Variants in RIOX2 observed in about 807,000 individuals in gnomAD.
The protein encoded by RIOX2 is ribosomal oxygenase 2.
A neutral mutation model predicts 51.2 loss-of-function variants in RIOX2; 43 were observed. That is an observed-to-expected ratio of 0.84 (90% CI 0.66 to 1.08). The LOEUF (loss-of-function observed/expected upper bound fraction) is 1.08. Among genes scored for constraint, RIOX2 ranks in the 50% least tolerant of loss-of-function variants. The pLI, the probability that RIOX2 is intolerant of heterozygous loss-of-function variation, is 0.00. For missense variants in RIOX2, 566 were observed against 561.7 expected (o/e 1.01, Z -0.08); for synonymous variants, 226 against 218.5 (o/e 1.03, Z -0.30).
At position 97,942,610 on chromosome 3, in the gene RIOX2, C is replaced by A; in HGVS notation, c.*2574G>T. 1.6e-6 allele frequency: 1 copy of A among 612,360 alleles called. No homozygotes were observed. Among genetic ancestry groups the A allele is most frequent in the African/African-American group, 1.9e-5 (1 of 53,448 alleles). 37.9% of individuals were successfully genotyped at this position (612,360 alleles called of 1,614,324 possible). A position where few individuals can be genotyped will look rare whatever the true frequency, so the allele number is the denominator to read the frequency against. ...GCAGTTTTACAAACAAAACAATTAG[C>A]AGAAAAAGCCAAACAACAAAGCTTA... On this transcript the variant is annotated 3_prime_UTR_variant, in exon 10 of 10. Transcript: ENST00000394198.
chr3:97,970,181 T>TA (rs1216365367), intron 1 of RIOX2, among the ~76,000 whole-genome samples: 3 of 152,192 alleles, frequency 2.0e-5, no homozygotes, highest in African/African-American at 7.2e-5. Flanking sequence ...GCAAAACACT[T>TA]AAGCCAAAAT....
intron 8 of RIOX2, 132 bp downstream of exon 8, chr3:97,947,229 A>G (rs754127761): frequency 5.6e-5 from 39 of 695,830 alleles, no homozygotes; most frequent in Non-Finnish European, 8.3e-5. Context: ...TCTGACCTGA[A>G]GAAATGGCAT....
chr3:97,943,122 T>C lies in RIOX2; in HGVS notation c.*2062A>G. 1 of 651,780 alleles carries C rather than the reference T, an allele frequency of 1.5e-6. No homozygotes were observed. The highest frequency in any genetic ancestry group is 1.9e-5 in the South Asian group (1 of 51,930). 40.4% of individuals were successfully genotyped at this position (651,780 alleles called of 1,614,324 possible). A position where few individuals can be genotyped will look rare whatever the true frequency, so the allele number is the denominator to read the frequency against. Reference sequence around the variant, plus strand: ...TTCAGACTTCTTTGTAAATGACACATTCATCCACCGAAATGGTGAGCTGAA... The same window carrying C: ...TTCAGACTTCTTTGTAAATGACACACTCATCCACCGAAATGGTGAGCTGAA... On this transcript the variant is annotated 3_prime_UTR_variant, in exon 10 of 10. Transcript: ENST00000394198.
intron 3 of RIOX2, 69 bp from the exon 4 acceptor site, chr3:97,959,248 C>A (rs938542034): frequency 4.1e-6 from 6 of 1,472,902 alleles, no homozygotes; most frequent in South Asian, 1.3e-5. Context: ...TGCTTCCGGA[C>A]TATTAGCCCT....
At chr3:97,953,306 G>A (rs1220914247) in intron 5 of RIOX2, among the ~76,000 whole-genome samples, 6 of 151,822 alleles carry the variant, frequency 4.0e-5, no homozygotes, top group East Asian at 1.9e-4. Context: ...AAACCCCTTC[G>A]ATAAAATCCT....
chr3:97,946,586 GTATATATATATA>G (rs4061087), intron 8 of RIOX2, among the ~76,000 whole-genome samples: 2 of 127,634 alleles, frequency 1.6e-5, no homozygotes, highest in African/African-American at 6.7e-5. Context: ...TTTTGAGGAT[GTATATATATATA>G]TATATATATC....
chr3:97,968,451 G>A (rs1705988437), intron 1 of RIOX2, among the ~76,000 whole-genome samples: 1 of 152,150 alleles, frequency 6.6e-6, no homozygotes, highest in Non-Finnish European at 1.5e-5. Context: ...TGTGCACACA[G>A]ATCACCTTAG....
chr3:97,965,230 G>C (rs1309279727), intron 2 of RIOX2, among the ~76,000 whole-genome samples: 1 of 69,312 alleles, frequency 1.4e-5, no homozygotes, highest in Non-Finnish European at 3.0e-5. Context: ...AAAAAAAAAA[G>C]GCCCAGCACA....
chr3:97,961,447 A>AT, intron 3 of RIOX2, 142 bp downstream of exon 3: 1 of 866,054 alleles, frequency 1.2e-6, no homozygotes, highest in Non-Finnish European at 1.6e-6. Flanking sequence ...GATGAAATCA[A>AT]TATCTCAGAA....
chr3:97,951,659 C>T (rs1037633012), intron 5 of RIOX2, among the ~76,000 whole-genome samples: 3 of 152,034 alleles, frequency 2.0e-5, no homozygotes, highest in Non-Finnish European at 4.4e-5. Context: ...TTCAAATTGC[C>T]GGCTAGTAGA....
intron 5 of RIOX2, among the ~76,000 whole-genome samples, chr3:97,952,971 G>A (rs977800601): frequency 1.3e-5 from 2 of 152,140 alleles, no homozygotes; most frequent in Non-Finnish European, 2.9e-5. Flanking sequence ...TAAATGTAGA[G>A]GTGAAATTCA....
chr3:97,948,110 G>A (rs573204444), intron 7 of RIOX2, among the ~76,000 whole-genome samples: 11 of 152,202 alleles, frequency 7.2e-5, no homozygotes, highest in African/African-American at 2.6e-4. Context: ...GAAGTAGTCT[G>A]GGCCATAAGC....
At chr3:97,959,327 TTTTA>T in intron 3 of RIOX2, 148 bp from the exon 4 acceptor site, 1 of 807,082 alleles carries the variant, frequency 1.2e-6, no homozygotes, top group African/African-American at 1.8e-5. Flanking sequence ...TTTTTTTTTT[TTTTA>T]GTTGTTATAG....
In RIOX2 at chr3:97,961,704, T is replaced by C. The variant is rs41272341; in HGVS notation, c.437A>G (p.Glu146Gly). 2 of 1,587,014 alleles carry C rather than the reference T, an allele frequency of 1.3e-6. No homozygotes were observed. The highest frequency in any genetic ancestry group is 1.7e-6 in the Non-Finnish European group (2 of 1,172,434). ...CAGCTTCTCCTGGATCCTCCAAAGCTCATCCTTTACAAAAAAGGAAAAAAG... is the reference window on the plus strand; with the variant it reads ...CAGCTTCTCCTGGATCCTCCAAAGCCCATCCTTTACAAAAAAGGAAAAAAG... ...QFHQPQRFKD[E>G]LWRIQEKLEC... is the part of the protein sequence containing the mutation. Residue 146 changes from glutamate to glycine, a missense_variant, in exon 3 of 10, where the codon GAG (glutamate) becomes GGG (glycine). Physicochemically the swap from Glu to Gly is moderately conservative, Grantham distance 98. Coordinates refer to ENST00000394198, the MANE Select transcript of RIOX2 (RefSeq NM_153182.4).
At chr3:97,968,873 G>C (rs907298337) in intron 1 of RIOX2, among the ~76,000 whole-genome samples, 1 of 152,088 alleles carries the variant, frequency 6.6e-6, no homozygotes, top group Non-Finnish European at 1.5e-5. Context: ...TTCCTACTTT[G>C]GTGAGTTATC....
At position 97,946,817 on chromosome 3, in the gene RIOX2, A is replaced by C. The variant is rs893684307; in HGVS notation, c.1149+544T>G. Among the ~76,000 whole-genome samples, 5 of 151,866 alleles carry C rather than the reference A, an allele frequency of 3.3e-5. No individual in the cohort carries two copies. In the East Asian group the frequency reaches 9.7e-4, roughly 29 times the overall value. ...ACTGTACAGGGAGCTCTATCAAAACATAAATCCAAAGGCTCCAAGACCAGA... is the reference window on the plus strand; with the variant it reads ...ACTGTACAGGGAGCTCTATCAAAACCTAAATCCAAAGGCTCCAAGACCAGA... On this transcript the variant is annotated intron_variant, in intron 8 of 9. Transcript: ENST00000394198.
In RIOX2 at chr3:97,969,806, C is replaced by A. The variant is rs959240750; in HGVS notation, c.-39-2174G>T. 3.9e-5 allele frequency among the ~76,000 whole-genome samples: 6 copies of A among 152,312 alleles called. No individual in the cohort carries two copies. In the South Asian group the frequency reaches 1.2e-3, roughly 32 times the overall value. On this transcript the variant is annotated intron_variant, in intron 1 of 9. Transcript: ENST00000394198. The stretch of plus-strand genomic sequence containing the variant: ...ACCCTTGGAGCCTTGCACTTGGTAT[C>A]CCCAGAACTTCACCCATGTGCCTCT...
intron 5 of RIOX2, chr3:97,952,390 G>A: frequency 2.3e-6 from 1 of 441,038 alleles, no homozygotes; most frequent in Non-Finnish European, 4.2e-6. Context: ...ATAGGACCCA[G>A]GGGCAGCCGG....
chr3:97,943,348 G>C lies in RIOX2; in HGVS notation c.*1836C>G, dbSNP rs1452884496. ...ACATCCCTAGAAAGATCCCTAGAAA[G>C]AGCAAAGAAGGAAACACATCTGTCA... On this transcript the variant is annotated 3_prime_UTR_variant, in exon 10 of 10. Transcript: ENST00000394198. The C allele has an allele frequency of 4.1e-6, 5 of 1,217,410 alleles. No homozygotes were observed. The highest frequency in any genetic ancestry group is 6.1e-6 in the Non-Finnish European group (5 of 826,246). The allele number at this position is 1,217,410 out of a possible 1,614,324, so 75.4% of individuals were successfully genotyped here.
Sources: allele counts gnomAD v4.1 joint callset (sites outside exome capture counted in the v4.1 genomes callset), GRCh38; gene constraint gnomAD v4.1.1; transcripts MANE v1.5; gene names NCBI Gene and HGNC (gene_info 2026-07-23, HGNC 2026-07-21).